CACNA2D3: variants seen among roughly 807,000 people sequenced by gnomAD.
The protein encoded by CACNA2D3 is voltage-dependent calcium channel subunit alpha-2/delta-3.
A neutral mutation model predicts 160.6 loss-of-function variants in CACNA2D3; 60 were observed. The ratio of observed to expected loss-of-function variants is 0.37; its 90% CI spans 0.30 to 0.46. The LOEUF is 0.46. Among genes scored for constraint, CACNA2D3 ranks in the 20% least tolerant of loss-of-function variants. The pLI is 1.00. For missense variants in CACNA2D3, 1,205 were observed against 1,365.0 expected (o/e 0.88, Z 1.85); for synonymous variants, 558 against 492.9 (o/e 1.13, Z -1.75).
At chr3:54,798,617 T>C (rs1702919547) in intron 13 of CACNA2D3, among the ~76,000 whole-genome samples, 1 of 152,186 alleles carries the variant, frequency 6.6e-6, no homozygotes, top group African/African-American at 2.4e-5. Context: ...GTGAATTAGC[T>C]CCCACGTAAT....
intron 11 of CACNA2D3, among the ~76,000 whole-genome samples, chr3:54,725,523 T>A (rs1353226949): frequency 1.3e-5 from 2 of 152,194 alleles, no homozygotes; most frequent in Admixed American, 1.3e-4. Flanking sequence ...AATAAAAAAC[T>A]GGCAAACCAA....
intron 5 of CACNA2D3, among the ~76,000 whole-genome samples, chr3:54,512,054 C>A (rs1400645792): frequency 1.3e-5 from 2 of 152,114 alleles, no homozygotes; most frequent in African/African-American, 4.8e-5. Flanking sequence ...GCCACAGGTC[C>A]CCCTGTTTGA....
At chr3:54,382,911 A>G (rs1484830507) in intron 3 of CACNA2D3, among the ~76,000 whole-genome samples, 2 of 152,102 alleles carry the variant, frequency 1.3e-5, no homozygotes, top group Admixed American at 6.5e-5. Context: ...GCAGTAGTAT[A>G]ATCTTGGCTC....
At chr3:54,144,363 T>C (rs1202214525) in intron 2 of CACNA2D3, among the ~76,000 whole-genome samples, 1 of 152,228 alleles carries the variant, frequency 6.6e-6, no homozygotes, top group Non-Finnish European at 1.5e-5. Context: ...TCTCTGTGAA[T>C]TTGATTACTG....
chr3:54,952,550 CTT>C (rs1490200886), intron 27 of CACNA2D3, among the ~76,000 whole-genome samples: 1 of 152,180 alleles, frequency 6.6e-6, no homozygotes, highest in Non-Finnish European at 1.5e-5. Context: ...GAATGTCAAT[CTT>C]TTCTATAGGG....
chr3:54,133,299 C>A (rs721764), intron 2 of CACNA2D3, among the ~76,000 whole-genome samples: 2 of 151,974 alleles, frequency 1.3e-5, no homozygotes, highest in Non-Finnish European at 2.9e-5. Context: ...GATGCAGAAA[C>A]GTCTTTAACA....
In CACNA2D3 at chr3:54,771,051, A is replaced by G. The variant is rs576112078; in HGVS notation, c.1380+6700A>G. 3.0e-3 allele frequency among the ~76,000 whole-genome samples: 456 copies of G among 152,160 alleles called. 2 individuals are homozygous for G. Among genetic ancestry groups the G allele is most frequent in the African/African-American group, 0.01 (434 of 41,492 alleles). On this transcript the variant is annotated intron_variant, in intron 13 of 37. Coordinates refer to ENST00000474759, the MANE Select transcript of CACNA2D3 (RefSeq NM_018398.3). ...TAATTTTCCTTGATTTGTTTGTGTC[A>G]TCCTTGGTTGATGTGGTGGATCTGG... is the stretch of plus-strand genomic sequence containing the variant.
At chr3:54,574,143 C>A (rs1041434223) in intron 8 of CACNA2D3, among the ~76,000 whole-genome samples, 4 of 152,084 alleles carry the variant, frequency 2.6e-5, no homozygotes, top group African/African-American at 9.7e-5. Context: ...CCTTCCTTTG[C>A]TTGCCGGGTA....
chr3:54,188,004 A>G (rs1289139821), intron 2 of CACNA2D3, among the ~76,000 whole-genome samples: 1 of 152,044 alleles, frequency 6.6e-6, no homozygotes, highest in East Asian at 1.9e-4. Flanking sequence ...ACTCTTATCA[A>G]AGAGAGTCGA....
intron 14 of CACNA2D3, among the ~76,000 whole-genome samples, chr3:54,827,514 C>T (rs1559597290): frequency 1.3e-5 from 2 of 152,194 alleles, no homozygotes; most frequent in Non-Finnish European, 2.9e-5. Flanking sequence ...CTGCTAAGCA[C>T]ATTGCAGTGT....
At chr3:54,350,994 T>G (rs1262750732) in intron 3 of CACNA2D3, among the ~76,000 whole-genome samples, 4 of 117,708 alleles carry the variant, frequency 3.4e-5, no homozygotes, top group Middle Eastern at 4.4e-3. Context: ...TTGTTTTTTT[T>G]TTTTTTTTTT....
At chr3:54,805,401 C>T (rs1703095909) in intron 13 of CACNA2D3, among the ~76,000 whole-genome samples, 1 of 152,156 alleles carries the variant, frequency 6.6e-6, no homozygotes, top group African/African-American at 2.4e-5. Context: ...ATACAAACTA[C>T]CATCAGAGAA....
At chr3:54,486,149 G>A (rs1435134586) in intron 4 of CACNA2D3, among the ~76,000 whole-genome samples, 5 of 152,188 alleles carry the variant, frequency 3.3e-5, no homozygotes, top group African/African-American at 1.2e-4. Context: ...GGAGACTAGT[G>A]CAAACACCTG....
chr3:54,749,300 A>G (rs11924542), intron 11 of CACNA2D3, among the ~76,000 whole-genome samples: 27 of 152,370 alleles, frequency 1.8e-4, no homozygotes, highest in Non-Finnish European at 3.7e-4. Context: ...ACACGAATGT[A>G]CCATGAACTT....
chr3:54,273,111 T>G (rs1382658749), intron 2 of CACNA2D3: 1 of 152,232 alleles, frequency 6.6e-6, no homozygotes, highest in African/African-American at 2.4e-5. Flanking sequence ...AATGCGTCAC[T>G]GGAGAAGGGA....
chr3:54,798,785 C>G (rs1022897121), intron 13 of CACNA2D3, among the ~76,000 whole-genome samples: 1 of 152,194 alleles, frequency 6.6e-6, no homozygotes, highest in African/African-American at 2.4e-5. Flanking sequence ...GGGCACATTT[C>G]AGCACACAAG....
intron 29 of CACNA2D3, among the ~76,000 whole-genome samples, chr3:54,978,641 A>G (rs1702443431): frequency 6.6e-6 from 1 of 152,238 alleles, no homozygotes; most frequent in African/African-American, 2.4e-5. Flanking sequence ...AAACTAAATA[A>G]GGCGTTCCAT....
At chr3:54,292,178 A>G (rs1029066921) in intron 2 of CACNA2D3, among the ~76,000 whole-genome samples, 5 of 152,312 alleles carry the variant, frequency 3.3e-5, no homozygotes, top group African/African-American at 7.2e-5. Flanking sequence ...CAAAAAACCT[A>G]AATGTTAGAC....
At chr3:54,429,897 A>G (rs549364341) in intron 4 of CACNA2D3, among the ~76,000 whole-genome samples, 12 of 152,324 alleles carry the variant, frequency 7.9e-5, no homozygotes, top group South Asian at 4.1e-4. Context: ...GAATAACGTA[A>G]TCATAAGAGG....
Sources: gnomAD v4.1 joint callset for allele counts (sites outside exome capture counted in the v4.1 genomes callset) on GRCh38, gnomAD v4.1.1 for gene constraint, MANE v1.5 for transcripts, NCBI Gene and HGNC (gene_info 2026-07-23, HGNC 2026-07-21) for gene names.